Variants in HS2ST1 observed in about 807,000 individuals in gnomAD.
HS2ST1 encodes 2-O-sulfotransferase.
In HS2ST1, 18 loss-of-function variants were observed where a neutral mutation model predicts 42.9. The observed-to-expected ratio is 0.42, with a 90% CI of 0.29 to 0.62. The LOEUF is 0.62. Ranked by LOEUF, HS2ST1 falls within the 20% of genes least tolerant of loss-of-function variation. The pLI is 0.21. For synonymous variants in HS2ST1, 146 were observed against 152.9 expected (o/e 0.95, Z 0.33); for missense variants, 334 against 433.8 (o/e 0.77, Z 2.04).
At chr1:86,995,559 G>A (rs972768278) in intron 1 of HS2ST1, among the ~76,000 whole-genome samples, 3 of 152,134 alleles carry the variant, frequency 2.0e-5, no homozygotes, top group African/African-American at 2.4e-5. Context: ...TCTAAAGAGA[G>A]GAAATGAAAT....
intron 1 of HS2ST1, chr1:87,044,787 A>G: frequency 1.9e-6 from 1 of 517,790 alleles, no homozygotes; most frequent in Non-Finnish European, 3.4e-6. Context: ...TTCTAGCAAA[A>G]TGAATGCTTT....
chr1:86,946,703 G>T (rs1387322887), intron 1 of HS2ST1, among the ~76,000 whole-genome samples: 3 of 152,110 alleles, frequency 2.0e-5, no homozygotes, highest in Non-Finnish European at 4.4e-5. Flanking sequence ...AAATATTCTT[G>T]TGCTTTGGAA....
chr1:87,017,154 T>G (rs1337341379), intron 1 of HS2ST1, among the ~76,000 whole-genome samples: 1 of 152,104 alleles, frequency 6.6e-6, no homozygotes, highest in Non-Finnish European at 1.5e-5. Context: ...CTTTCTTTTT[T>G]GCGACGGAAT....
intron 2 of HS2ST1, among the ~76,000 whole-genome samples, chr1:87,079,952 G>C (rs534294921): frequency 1.3e-5 from 2 of 152,178 alleles, no homozygotes; most frequent in Admixed American, 1.3e-4. Context: ...GGAGGCTGAG[G>C]TGGGAGGACC....
chr1:87,087,423 T>C (rs1455643712), intron 3 of HS2ST1, among the ~76,000 whole-genome samples: 10 of 151,840 alleles, frequency 6.6e-5, no homozygotes, highest in Non-Finnish European at 1.3e-4. Flanking sequence ...GTATGTACCT[T>C]TGTAGTTGTC....
intron 1 of HS2ST1, among the ~76,000 whole-genome samples, chr1:87,056,456 A>G (rs1270287617): frequency 6.6e-6 from 1 of 152,236 alleles, no homozygotes; most frequent in East Asian, 1.9e-4. Context: ...AATTTTTTTC[A>G]TAGAACACTG....
intron 1 of HS2ST1, among the ~76,000 whole-genome samples, chr1:87,038,572 C>A (rs1650440338): frequency 6.6e-6 from 1 of 152,100 alleles, no homozygotes; most frequent in African/African-American, 2.4e-5. Flanking sequence ...AATTTGCATT[C>A]ATATTGTGAA....
At chr1:87,093,055 A>AT (rs1168768175) in intron 4 of HS2ST1, among the ~76,000 whole-genome samples, 1 of 151,932 alleles carries the variant, frequency 6.6e-6, no homozygotes, top group Non-Finnish European at 1.5e-5. Flanking sequence ...TGAAGCAGCT[A>AT]TTTTTTTCTG....
At chr1:86,931,350 T>G (rs561110617) in intron 1 of HS2ST1, among the ~76,000 whole-genome samples, 1 of 152,232 alleles carries the variant, frequency 6.6e-6, no homozygotes, top group East Asian at 1.9e-4. Context: ...GTATGGATAT[T>G]AAATAACTTA....
At chr1:86,948,344 A>T (rs1164711624) in intron 1 of HS2ST1, among the ~76,000 whole-genome samples, 1 of 152,176 alleles carries the variant, frequency 6.6e-6, no homozygotes, top group Admixed American at 6.5e-5. Flanking sequence ...GTGGCTGTTC[A>T]TGGGCATAAT....
chr1:87,028,030 A>T lies in HS2ST1; in HGVS notation c.125-44904A>T, dbSNP rs148852710. 1.6e-3 allele frequency among the ~76,000 whole-genome samples: 242 copies of T among 152,292 alleles called. 2 individuals carry two copies. The highest frequency in any genetic ancestry group is 5.6e-3 in the African/African-American group (234 of 41,566). ...AAAATGTTAAGAAATGCTACCTTAGATTGTATCTGGATATCTTCTGGTATT... is the reference window on the plus strand; with the variant it reads ...AAAATGTTAAGAAATGCTACCTTAGTTTGTATCTGGATATCTTCTGGTATT... On this transcript the variant is annotated intron_variant, in intron 1 of 6. Transcript: ENST00000370550.
Position 87,002,381 on chromosome 1 carries a change from C to T in HS2ST1, c.125-70553C>T, listed in dbSNP as rs186943309. 5.6e-4 allele frequency among the ~76,000 whole-genome samples: 85 copies of T among 152,118 alleles called. 1 individual carries two copies. The highest frequency in any genetic ancestry group is 1.8e-3 in the Admixed American group (28 of 15,286). ...GCCAAGGCTTGCAGATTGCTTGAGT[C>T]CAGGAGTTCCAGACCAGCCTGGGCA... On this transcript the variant is annotated intron_variant, in intron 1 of 6. Coordinates refer to ENST00000370550, the MANE Select transcript of HS2ST1 (RefSeq NM_012262.4).
intron 1 of HS2ST1, among the ~76,000 whole-genome samples, chr1:87,021,559 G>T (rs1557518481): frequency 6.6e-6 from 1 of 152,160 alleles, no homozygotes; most frequent in Non-Finnish European, 1.5e-5. Flanking sequence ...CTGTCATCCA[G>T]GGTGGAGTAC....
chr1:86,924,913 G>T (rs1263655929), intron 1 of HS2ST1, among the ~76,000 whole-genome samples: 1 of 152,144 alleles, frequency 6.6e-6, no homozygotes, highest in South Asian at 2.1e-4. Flanking sequence ...AGTGGGCTTG[G>T]ATTTCTCCTG....
At chr1:87,023,201 A>C (rs545398451) in intron 1 of HS2ST1, among the ~76,000 whole-genome samples, 1 of 152,342 alleles carries the variant, frequency 6.6e-6, no homozygotes, top group South Asian at 2.1e-4. Context: ...AAATATACAA[A>C]ATTTTAAATG....
chr1:87,007,730 C>T (rs1221739047), intron 1 of HS2ST1, among the ~76,000 whole-genome samples: 1 of 152,136 alleles, frequency 6.6e-6, no homozygotes, highest in South Asian at 2.1e-4. Context: ...CATAGTTTAT[C>T]ATTTATGCAC....
intron 1 of HS2ST1, among the ~76,000 whole-genome samples, chr1:87,022,647 A>T (rs773557691): frequency 1.3e-5 from 2 of 152,172 alleles, no homozygotes; most frequent in Non-Finnish European, 2.9e-5. Context: ...CTTGTGAGTT[A>T]ATAAGGTACC....
chr1:86,976,704 G>GTGTATATATATATATATATATATATA lies in HS2ST1; in HGVS notation c.124+61545_124+61546insGTATATATATATATATATATATATAT, dbSNP rs1553134337. Among the ~76,000 whole-genome samples, 310 of 79,686 alleles carry GTGTATATATATATATATATATATATA rather than the reference G, an allele frequency of 3.9e-3. 15 individuals carry two copies. Among genetic ancestry groups the GTGTATATATATATATATATATATATA allele is most frequent in the Non-Finnish European group, 6.8e-3 (251 of 36,926 alleles). 52.3% of individuals were successfully genotyped at this position (79,686 alleles called of 152,430 possible). ...AAATCCATCTTTTCTTTATAAAATTGTATATATATATATATATTTTAAATG... is the reference window on the plus strand; with the variant it reads ...AAATCCATCTTTTCTTTATAAAATTGTGTATATATATATATATATATATATATATATATATATATATATTTTAAATG... On this transcript the variant is annotated intron_variant, in intron 1 of 6. Transcript: ENST00000370550.
Position 87,108,070 on chromosome 1 carries a change from G to A in HS2ST1, c.*3374G>A, listed in dbSNP as rs1398637901. 1.3e-5 allele frequency: 2 copies of A among 151,934 alleles called. No individual in the cohort carries two copies. Among genetic ancestry groups the A allele is most frequent in the Admixed American group, 6.6e-5 (1 of 15,248 alleles). The allele number at this position is 151,934 out of a possible 1,614,324, so 9.4% of individuals were successfully genotyped here. A position where few individuals can be genotyped will look rare whatever the true frequency, so the allele number is the denominator to read the frequency against. On this transcript the variant is annotated 3_prime_UTR_variant, in exon 7 of 7. Coordinates refer to ENST00000370550, the MANE Select transcript of HS2ST1 (RefSeq NM_012262.4). The stretch of plus-strand genomic sequence containing the variant: ...TGTCCTATTGGAAATTCCTCAAATC[G>A]TTGGTGCCATCAGTGATTTACAAAC...
Sources: allele counts gnomAD v4.1 joint callset (sites outside exome capture counted in the v4.1 genomes callset), GRCh38; gene constraint gnomAD v4.1.1; transcripts MANE v1.5; gene names NCBI Gene and HGNC (gene_info 2026-07-23, HGNC 2026-07-21).